The following SLC7A6 variants were observed in gnomAD, a reference collection of about 807,000 sequenced individuals.
SLC7A6 encodes Y+L amino acid transporter 2.
Under a neutral mutation model 46.6 loss-of-function variants are expected in SLC7A6, and 29 were observed. The ratio of observed to expected loss-of-function variants is 0.62; its 90% CI spans 0.46 to 0.85. SLC7A6 has a LOEUF of 0.85. Ranked by LOEUF, SLC7A6 falls within the 40% of genes least tolerant of loss-of-function variation. The pLI, the probability that SLC7A6 is intolerant of heterozygous loss-of-function variation, is 0.00. For missense variants in SLC7A6, 527 were observed against 647.6 expected (o/e 0.81, Z 2.02); for synonymous variants, 276 against 257.3 (o/e 1.07, Z -0.70).
At position 68,296,533 on chromosome 16, in the gene SLC7A6, C is replaced by G. The variant is rs1225177876; in HGVS notation, c.1269+20C>G. 6.2e-7 allele frequency: 1 copy of G among 1,614,136 alleles called. No homozygotes were observed. Among genetic ancestry groups the G allele is most frequent in the Non-Finnish European group, 8.5e-7 (1 of 1,180,008 alleles). On this transcript the variant is annotated intron_variant, in intron 9 of 10. Transcript: ENST00000219343. ...CTCAAGGTCAGCAGCTCTGGCCAGACTAGGAGGGGTGGGCCATCTCCCTAA... is the reference window on the plus strand; with the variant it reads ...CTCAAGGTCAGCAGCTCTGGCCAGAGTAGGAGGGGTGGGCCATCTCCCTAA...
In SLC7A6 at chr16:68,300,496, T is replaced by C. The variant is rs540145884; in HGVS notation, c.*3168T>C. The stretch of plus-strand genomic sequence containing the variant: ...TGGAAAGCTAAGTTCAGAAGGTACT[T>C]TGTTTTTCCTCCCTTGCCTTAAGTC... On this transcript the variant is annotated 3_prime_UTR_variant, in exon 11 of 11. Coordinates refer to ENST00000219343, the MANE Select transcript of SLC7A6 (RefSeq NM_003983.6). 19 of 495,112 alleles carry C rather than the reference T, an allele frequency of 3.8e-5. 1 individual carries two copies. In the South Asian group the frequency reaches 1.4e-3, roughly 36 times the overall value. 30.7% of individuals were successfully genotyped at this position (495,112 alleles called of 1,614,324 possible). A position where few individuals can be genotyped will look rare whatever the true frequency, so the allele number is the denominator to read the frequency against.
intron 8 of SLC7A6, among the ~76,000 whole-genome samples, chr16:68,295,272 ACTT>A (rs2043139806): frequency 6.6e-6 from 1 of 152,182 alleles, no homozygotes. Context: ...GACCAAGGGT[ACTT>A]CTTTAGTCCC....
chr16:68,285,063 T>A (rs1225816836), intron 3 of SLC7A6, among the ~76,000 whole-genome samples: 1 of 152,124 alleles, frequency 6.6e-6, no homozygotes, highest in African/African-American at 2.4e-5. Context: ...CTAAGCTGCA[T>A]GCCCTCCCAC....
chr16:68,267,375 G>A lies in SLC7A6; in HGVS notation c.-37+654G>A, dbSNP rs181081626. Among the ~76,000 whole-genome samples, 15 of 151,162 alleles carry A rather than the reference G, an allele frequency of 9.9e-5. No individual in the cohort carries two copies. In the East Asian group the frequency reaches 1.2e-3, roughly 12 times the overall value. On this transcript the variant is annotated intron_variant, in intron 2 of 10. Transcript: ENST00000219343. ...ATTACAGGTGCCCACCACCATGCCCGGACAATTTTTTGTATTTTTAGCAGA... is the reference window on the plus strand; with the variant it reads ...ATTACAGGTGCCCACCACCATGCCCAGACAATTTTTTGTATTTTTAGCAGA...
At chr16:68,282,266 G>A (rs949146483) in intron 3 of SLC7A6, among the ~76,000 whole-genome samples, 1 of 152,098 alleles carries the variant, frequency 6.6e-6, no homozygotes. Flanking sequence ...ATGTATTTGT[G>A]TAATTAAAAA....
chr16:68,296,023 G>C (rs1049331610), intron 8 of SLC7A6, among the ~76,000 whole-genome samples: 6 of 152,136 alleles, frequency 3.9e-5, no homozygotes, highest in Admixed American at 2.6e-4. Flanking sequence ...CGGGACCCAG[G>C]TCTAACCCCT....
chr16:68,276,419 A>T (rs1006596376), intron 3 of SLC7A6, among the ~76,000 whole-genome samples: 1 of 152,198 alleles, frequency 6.6e-6, no homozygotes, highest in African/African-American at 2.4e-5. Context: ...TGCTTGCAAA[A>T]GCATTGGCAG....
intron 2 of SLC7A6, chr16:68,273,662 A>G (rs2042659575): frequency 6.6e-6 from 1 of 152,062 alleles, no homozygotes; most frequent in Admixed American, 6.6e-5. Flanking sequence ...ACCCTGTCTT[A>G]TTACGTAACC....
intron 2 of SLC7A6, among the ~76,000 whole-genome samples, chr16:68,272,172 A>C (rs148060885): frequency 0.013 from 2,041 of 152,272 alleles, 25 homozygotes; most frequent in Non-Finnish European, 0.021. Flanking sequence ...TCAGCACTTC[A>C]GGAGGCCAAG....
intron 2 of SLC7A6, among the ~76,000 whole-genome samples, chr16:68,272,336 A>G (rs2042636819): frequency 6.6e-6 from 1 of 152,174 alleles, no homozygotes; most frequent in Non-Finnish European, 1.5e-5. Context: ...AGGCCGAGAT[A>G]GAGGACTGCT....
chr16:68,300,722 C>T lies in SLC7A6; in HGVS notation c.*3394C>T. The T allele has an allele frequency of 1.0e-6, 1 of 985,502 alleles. No individual in the cohort carries two copies. Among genetic ancestry groups the T allele is most frequent in the Non-Finnish European group, 1.2e-6 (1 of 829,968 alleles). 61.0% of individuals were successfully genotyped at this position (985,502 alleles called of 1,614,324 possible). On this transcript the variant is annotated 3_prime_UTR_variant, in exon 11 of 11. Coordinates refer to ENST00000219343, the MANE Select transcript of SLC7A6 (RefSeq NM_003983.6). Reference sequence around the variant, plus strand: ...CAGTCAGTAATTTCACAACCGTTATCAGAGTTTGGAAGCAGAAATAGCTGT... The same window carrying T: ...CAGTCAGTAATTTCACAACCGTTATTAGAGTTTGGAAGCAGAAATAGCTGT...
intron 5 of SLC7A6, 160 bp downstream of exon 5, chr16:68,290,700 G>A (rs1016148296): frequency 2.2e-5 from 19 of 846,648 alleles, no homozygotes; most frequent in Non-Finnish European, 3.5e-5. Context: ...TAGAATGGGA[G>A]TGAGTGAAGG....
Position 68,275,140 on chromosome 16 carries a change from C to A in SLC7A6, c.414C>A (p.Thr138=). The A allele has an allele frequency of 6.2e-7, 1 of 1,614,078 alleles. No homozygotes were observed. The highest frequency in any genetic ancestry group is 8.5e-7 in the Non-Finnish European group (1 of 1,180,030). ...TCTCACTGCTAGTTGTTGAGCCCAC[C>A]GGTCAGGCCATCATCGCCATCACCT... The part of the protein sequence containing the change: ...LWVSLLVVEP[T]GQAIIAITFA... The change falls in exon 3 of 11, where the codon ACC becomes ACA. Residue 138 remains threonine, a synonymous_variant. Coordinates refer to ENST00000219343, the MANE Select transcript of SLC7A6 (RefSeq NM_003983.6).
chr16:68,301,674 T>C lies in SLC7A6; in HGVS notation c.*4346T>C. 3.7e-6 allele frequency: 1 copy of C among 272,250 alleles called. No individual in the cohort carries two copies. Among genetic ancestry groups the C allele is most frequent in the Non-Finnish European group, 6.8e-6 (1 of 146,226 alleles). The allele number at this position is 272,250 out of a possible 1,614,324, so 16.9% of individuals were successfully genotyped here. A position where few individuals can be genotyped will look rare whatever the true frequency, so the allele number is the denominator to read the frequency against. On this transcript the variant is annotated 3_prime_UTR_variant, in exon 11 of 11. Coordinates refer to ENST00000219343, the MANE Select transcript of SLC7A6 (RefSeq NM_003983.6). ...CTTCTCCCCTCCGTATAGGATTTTT[T>C]GTTGTTGTAAGAGTTGTAGTCATAT...
chr16:68,301,647 C>T lies in SLC7A6; in HGVS notation c.*4319C>T, dbSNP rs986119180. ...TTCTCCCCTCCGTGGAGTATTTTGT[C>T]ACTTCTCCCCTCCGTATAGGATTTT... On this transcript the variant is annotated 3_prime_UTR_variant, in exon 11 of 11. Coordinates refer to ENST00000219343, the MANE Select transcript of SLC7A6 (RefSeq NM_003983.6). 3.6e-5 allele frequency: 12 copies of T among 335,110 alleles called. No individual in the cohort carries two copies. The highest frequency in any genetic ancestry group is 2.1e-4 in the African/African-American group (10 of 46,806). The allele number at this position is 335,110 out of a possible 1,614,324, so 20.8% of individuals were successfully genotyped here. A position where few individuals can be genotyped will look rare whatever the true frequency, so the allele number is the denominator to read the frequency against.
chr16:68,277,485 G>C (rs1431484884), intron 3 of SLC7A6, among the ~76,000 whole-genome samples: 1 of 151,564 alleles, frequency 6.6e-6, no homozygotes. Flanking sequence ...CTAATTTTTT[G>C]TATTTTTAGT....
chr16:68,296,453 G>C lies in SLC7A6; in HGVS notation c.1209G>C (p.Leu403=). The C allele has an allele frequency of 6.2e-7, 1 of 1,614,154 alleles. No homozygotes were observed. The highest frequency in any genetic ancestry group is 8.5e-7 in the Non-Finnish European group (1 of 1,180,038). The change falls in exon 9 of 11, where the codon CTG becomes CTC. Residue 403 remains leucine, a synonymous_variant. Transcript: ENST00000219343. ...FSFSYWFFVG[L]SVVGQLYLRW... The stretch of plus-strand genomic sequence containing the variant: ...TCAGCTACTGGTTCTTCGTGGGCCT[G>C]TCTGTTGTTGGACAGCTCTACCTCC...
At chr16:68,292,344 G>A (rs74024437) in intron 7 of SLC7A6, 9,191 of 152,160 alleles carry the variant, frequency 0.06, 359 homozygotes, top group Middle Eastern at 0.14. Context: ...TGCTACTTGG[G>A]CTCGGGGTTC....
intron 2 of SLC7A6, among the ~76,000 whole-genome samples, chr16:68,268,744 G>A (rs550428762): frequency 3.3e-5 from 5 of 152,228 alleles, no homozygotes; most frequent in East Asian, 3.9e-4. Flanking sequence ...GGTGGCTCAC[G>A]CCTGTAATCC....
Sources: allele counts gnomAD v4.1 joint callset (sites outside exome capture counted in the v4.1 genomes callset), GRCh38; gene constraint gnomAD v4.1.1; transcripts MANE v1.5; gene names NCBI Gene and HGNC (gene_info 2026-07-23, HGNC 2026-07-21).